KIF26B: variants seen among roughly 807,000 people sequenced by gnomAD.
The protein encoded by KIF26B is kinesin-like protein KIF26B.
Under a neutral mutation model 151.2 loss-of-function variants are expected in KIF26B, and 63 were observed. The observed-to-expected ratio is 0.42, with a 90% CI of 0.34 to 0.51. The LOEUF is 0.51. Among genes scored for constraint, KIF26B ranks in the 20% least tolerant of loss-of-function variants. KIF26B has a pLI of 0.07. For synonymous variants in KIF26B, 1,357 were observed against 1,262.1 expected (o/e 1.08, Z -1.59); for missense variants, 2,813 against 2,913.6 (o/e 0.97, Z 0.79).
At chr1:245,669,605 T>C (rs1334701045) in intron 10 of KIF26B, among the ~76,000 whole-genome samples, 3 of 152,096 alleles carry the variant, frequency 2.0e-5, no homozygotes, top group Non-Finnish European at 2.9e-5. Flanking sequence ...GCTAGAGAAA[T>C]GCAAAGCAAA....
intron 9 of KIF26B, among the ~76,000 whole-genome samples, chr1:245,642,865 T>C (rs182149460): frequency 2.6e-5 from 4 of 152,224 alleles, no homozygotes; most frequent in African/African-American, 7.2e-5. Context: ...TGCTGTGGAA[T>C]AGAAGCTGGA....
chr1:245,218,621 C>T lies in KIF26B; in HGVS notation c.465+61938C>T, dbSNP rs1482993274. On this transcript the variant is annotated intron_variant, in intron 2 of 14. Transcript: ENST00000407071. This position sits in a 1 kb window ranked among gnomAD's most constrained non-coding sequence, Gnocchi z 4.1. ...GCCCAGGGTGACCCCAGGAGCTCTGCAGTGTGCCGCATGGAATCGCCTAAG... is the reference window on the plus strand; with the variant it reads ...GCCCAGGGTGACCCCAGGAGCTCTGTAGTGTGCCGCATGGAATCGCCTAAG... 6.6e-6 allele frequency among the ~76,000 whole-genome samples: 1 copy of T among 152,186 alleles called. No homozygotes were observed. Among genetic ancestry groups the T allele is most frequent in the East Asian group, 1.9e-4 (1 of 5,198 alleles).
intron 2 of KIF26B, among the ~76,000 whole-genome samples, chr1:245,190,814 C>A (rs1669094036): frequency 6.6e-6 from 1 of 151,584 alleles, no homozygotes; most frequent in Non-Finnish European, 1.5e-5. Context: ...AATCCCAGCA[C>A]TTTGGGAAGC....
chr1:245,155,623 T>TAA, intron 1 of KIF26B, 136 bp downstream of exon 1: 1 of 728,360 alleles, frequency 1.4e-6, no homozygotes, highest in Non-Finnish European at 2.2e-6. Context: ...GGCGGGGTTG[T>TAA]GAGTGCGCGG....
chr1:245,677,005 G>T (rs1380725508), intron 10 of KIF26B, among the ~76,000 whole-genome samples: 1 of 152,172 alleles, frequency 6.6e-6, no homozygotes, highest in African/African-American at 2.4e-5. Flanking sequence ...TGCCTCAGAG[G>T]CATCTCAAAT....
intron 2 of KIF26B, among the ~76,000 whole-genome samples, chr1:245,296,625 T>A (rs536223116): frequency 1.3e-5 from 2 of 152,326 alleles, no homozygotes; most frequent in Admixed American, 1.3e-4. Flanking sequence ...GCCCAGAATG[T>A]TAGGAACAAA....
intron 2 of KIF26B, among the ~76,000 whole-genome samples, chr1:245,235,308 C>T (rs928714840): frequency 4.6e-5 from 7 of 151,946 alleles, no homozygotes; most frequent in East Asian, 1.9e-4. Flanking sequence ...TTAAGACATA[C>T]GGGTTGGGTG....
At chr1:245,647,990 T>A (rs2043971852) in intron 10 of KIF26B, among the ~76,000 whole-genome samples, 1 of 152,158 alleles carries the variant, frequency 6.6e-6, no homozygotes, top group Non-Finnish European at 1.5e-5. Context: ...TGTAGTTGAG[T>A]AAATTCAGCT....
At chr1:245,637,537 T>C (rs1276095367) in intron 9 of KIF26B, among the ~76,000 whole-genome samples, 1 of 152,070 alleles carries the variant, frequency 6.6e-6, no homozygotes, top group African/African-American at 2.4e-5. Context: ...ACTTGTCTAT[T>C]TTTGCTTTTA....
intron 4 of KIF26B, among the ~76,000 whole-genome samples, chr1:245,439,033 A>G (rs1417911098): frequency 6.6e-6 from 1 of 152,188 alleles, no homozygotes; most frequent in African/African-American, 2.4e-5. Context: ...TTTATTATAT[A>G]TCAGTTACAT....
intron 2 of KIF26B, among the ~76,000 whole-genome samples, chr1:245,178,000 T>G (rs1668840111): frequency 6.6e-6 from 1 of 152,182 alleles, no homozygotes; most frequent in African/African-American, 2.4e-5. Flanking sequence ...AGATCGAGAA[T>G]GAGGCCAGGT....
Position 245,602,335 on chromosome 1 carries a change from G to A in KIF26B, c.1351-242G>A, listed in dbSNP as rs920546365. ...TTAATAGGAAGACAAAGAACATGAT[G>A]TGCCAGCTCCATATTGAAGTAATGG... On this transcript the variant is annotated intron_variant, in intron 5 of 14. Coordinates refer to ENST00000407071, the MANE Select transcript of KIF26B (RefSeq NM_018012.4). This position sits in a 1 kb window ranked among gnomAD's most constrained non-coding sequence, Gnocchi z 4.5. 6.6e-6 allele frequency among the ~76,000 whole-genome samples: 1 copy of A among 152,196 alleles called. No homozygotes were observed. Among genetic ancestry groups the A allele is most frequent in the African/African-American group, 2.4e-5 (1 of 41,454 alleles).
At chr1:245,623,111 A>AC (rs2043684001) in intron 9 of KIF26B, among the ~76,000 whole-genome samples, 2 of 150,028 alleles carry the variant, frequency 1.3e-5, no homozygotes, top group Admixed American at 1.3e-4. Context: ...GTACATATTA[A>AC]ATCATATAAC....
intron 5 of KIF26B, among the ~76,000 whole-genome samples, chr1:245,579,102 G>A (rs1290267333): frequency 1.3e-5 from 2 of 152,156 alleles, no homozygotes; most frequent in African/African-American, 4.8e-5. Flanking sequence ...ATGAACAGTA[G>A]GGTATTCTCT....
At chr1:245,529,047 C>A (rs942938766) in intron 4 of KIF26B, among the ~76,000 whole-genome samples, 1 of 152,188 alleles carries the variant, frequency 6.6e-6, no homozygotes, top group Non-Finnish European at 1.5e-5. Context: ...AGTCCTCAAC[C>A]TTCTCTTGGG....
At chr1:245,277,470 G>C (rs1311026860) in intron 2 of KIF26B, among the ~76,000 whole-genome samples, 1 of 152,192 alleles carries the variant, frequency 6.6e-6, no homozygotes, top group Non-Finnish European at 1.5e-5. Flanking sequence ...AGGTGCTCTT[G>C]GTGCCCCCTG....
chr1:245,608,607 G>T (rs1192083590), intron 7 of KIF26B, among the ~76,000 whole-genome samples: 1 of 152,130 alleles, frequency 6.6e-6, no homozygotes, highest in Non-Finnish European at 1.5e-5. Flanking sequence ...AATCTGGGGG[G>T]TAACTATAAA....
chr1:245,397,885 C>T (rs1484122338), intron 3 of KIF26B, among the ~76,000 whole-genome samples: 1 of 152,216 alleles, frequency 6.6e-6, no homozygotes, highest in Non-Finnish European at 1.5e-5. Flanking sequence ...TGCACCTGCT[C>T]TCTAGGGCAT....
intron 4 of KIF26B, among the ~76,000 whole-genome samples, chr1:245,521,905 A>T (rs182529391): frequency 6.2e-5 from 9 of 146,246 alleles, no homozygotes; most frequent in South Asian, 2.2e-4. Context: ...TTGCTCTGTC[A>T]CCCAGGCTGG....
Sources: allele counts gnomAD v4.1 joint callset (sites outside exome capture counted in the v4.1 genomes callset), GRCh38; gene constraint gnomAD v4.1.1; non-coding constraint Gnocchi (gnomAD v3.1); transcripts MANE v1.5; gene names NCBI Gene and HGNC (gene_info 2026-07-23, HGNC 2026-07-21).